The following ZNF793 variants were observed in gnomAD, a reference collection of about 807,000 sequenced individuals.
The protein encoded by ZNF793 is zinc finger protein 793.
In ZNF793, 5 loss-of-function variants were observed where a neutral mutation model predicts 12.4. The ratio of observed to expected loss-of-function variants is 0.40; its 90% CI spans 0.21 to 0.84. The LOEUF is 0.84. Among genes scored for constraint, ZNF793 ranks in the 40% least tolerant of loss-of-function variants. The pLI, the probability that ZNF793 is intolerant of heterozygous loss-of-function variation, is 0.35. For missense variants in ZNF793, 456 were observed against 495.0 expected, an observed-to-expected ratio of 0.92 and a Z score of 0.75; for synonymous variants, 162 against 172.4, an observed-to-expected ratio of 0.94 and a Z score of 0.47.
intron 2 of ZNF793, among the ~76,000 whole-genome samples, chr19:37,513,025 G>A (rs1044096226): frequency 1.3e-5 from 2 of 151,950 alleles, no homozygotes; most frequent in Non-Finnish European, 1.5e-5. Context: ...CATGATTAGA[G>A]TCATGTTGTA....
At chr19:37,521,502 C>A (rs2042376133) in intron 3 of ZNF793, among the ~76,000 whole-genome samples, 1 of 139,496 alleles carries the variant, frequency 7.2e-6, no homozygotes, top group Non-Finnish European at 1.5e-5. Context: ...ATGGCGCGAT[C>A]TCTGCTCACT....
chr19:37,514,667 T>TA (rs1339635726), intron 2 of ZNF793, among the ~76,000 whole-genome samples: 1 of 152,068 alleles, frequency 6.6e-6, no homozygotes, highest in Non-Finnish European at 1.5e-5. Context: ...CTTTTTTTTT[T>TA]ATATAAAGCC....
intron 3 of ZNF793, among the ~76,000 whole-genome samples, chr19:37,521,027 G>A (rs1445989253): frequency 6.6e-6 from 1 of 150,378 alleles, no homozygotes. Context: ...TCACTCTGTC[G>A]CCCAGGCTGG....
intron 2 of ZNF793, among the ~76,000 whole-genome samples, chr19:37,515,042 C>T (rs574399838): frequency 6.6e-6 from 1 of 152,370 alleles, no homozygotes; most frequent in South Asian, 2.1e-4. Context: ...AATGGCAGAA[C>T]TCTGCTTACC....
chr19:37,523,056 CTG>C (rs1040926323), intron 4 of ZNF793, among the ~76,000 whole-genome samples: 1 of 152,174 alleles, frequency 6.6e-6, no homozygotes, highest in Non-Finnish European at 1.5e-5. Context: ...GGGTCTTACT[CTG>C]TCACCTAGGC....
At chr19:37,534,330 A>G (rs1428895026) in intron 7 of ZNF793, 1 of 152,306 alleles carries the variant, frequency 6.6e-6, no homozygotes, top group African/African-American at 2.4e-5. Flanking sequence ...TCTCACAACC[A>G]GCCCTTTTGC....
intron 2 of ZNF793, among the ~76,000 whole-genome samples, chr19:37,511,611 C>T (rs985019131): frequency 1.3e-5 from 2 of 152,126 alleles, no homozygotes; most frequent in African/African-American, 4.8e-5. Flanking sequence ...GCAGAGGTTG[C>T]GGTGAGCTGA....
At chr19:37,511,147 C>CT (rs1166590283) in intron 2 of ZNF793, among the ~76,000 whole-genome samples, 2 of 152,122 alleles carry the variant, frequency 1.3e-5, no homozygotes, top group Non-Finnish European at 2.9e-5. Context: ...GGAAGGTGTC[C>CT]TTACTGGTCA....
At chr19:37,519,800 A>T (rs1254068811) in intron 2 of ZNF793, among the ~76,000 whole-genome samples, 1 of 152,240 alleles carries the variant, frequency 6.6e-6, no homozygotes, top group Non-Finnish European at 1.5e-5. Context: ...AGATAGACTA[A>T]GTAACTCATT....
At chr19:37,530,122 C>T (rs1185113188) in intron 5 of ZNF793, among the ~76,000 whole-genome samples, 1 of 152,104 alleles carries the variant, frequency 6.6e-6, no homozygotes, top group Non-Finnish European at 1.5e-5. Flanking sequence ...TTTAGATATG[C>T]ATACACATAA....
At chr19:37,511,084 A>T in intron 2 of ZNF793, among the ~76,000 whole-genome samples, 1 of 152,198 alleles carries the variant, frequency 6.6e-6, no homozygotes, top group East Asian at 1.9e-4. Flanking sequence ...TTTTTATATT[A>T]CAGAGTCCTG....
Position 37,537,801 on chromosome 19 carries a change from C to T in ZNF793, c.1143C>T (p.Asn381=), listed in dbSNP as rs374379549. The change falls in exon 8 of 8, where the codon AAC becomes AAT. Residue 381 remains asparagine, a synonymous_variant. Transcript: ENST00000627814. The part of the protein sequence containing the change: ...ECGKAFYQKP[N]LSRHQKIHAR... ...GGAAAGCTTTCTACCAGAAGCCAAA[C>T]CTCAGCAGACATCAGAAAATTCATG... is the stretch of plus-strand genomic sequence containing the variant. 117 of 1,613,730 alleles carry T rather than the reference C, an allele frequency of 7.3e-5. No individual in the cohort carries two copies. The highest frequency in any genetic ancestry group is 9.1e-5 in the Non-Finnish European group (107 of 1,179,832).
intron 4 of ZNF793, among the ~76,000 whole-genome samples, 199 bp downstream of exon 4, chr19:37,522,846 CA>C (rs1297301368): frequency 2.0e-5 from 3 of 152,050 alleles, no homozygotes; most frequent in African/African-American, 7.2e-5. Context: ...GTGATACTGC[CA>C]AGTTTTTCCA....
At chr19:37,525,657 G>A (rs979820613) in intron 5 of ZNF793, among the ~76,000 whole-genome samples, 4 of 151,236 alleles carry the variant, frequency 2.6e-5, no homozygotes, top group African/African-American at 9.7e-5. Context: ...TCCTGACCTC[G>A]TGATCCACCT....
At chr19:37,531,954 A>G (rs1056304567) in intron 5 of ZNF793, among the ~76,000 whole-genome samples, 3 of 152,174 alleles carry the variant, frequency 2.0e-5, no homozygotes, top group African/African-American at 7.2e-5. Flanking sequence ...AAGGCCTTCC[A>G]GATAGATAAT....
At chr19:37,533,788 G>C in intron 7 of ZNF793, 1 of 389,856 alleles carries the variant, frequency 2.6e-6, no homozygotes, top group Non-Finnish European at 4.5e-6. Context: ...CCCATAGACA[G>C]ATGACTGTGG....
At chr19:37,526,174 C>T (rs1199500009) in intron 5 of ZNF793, among the ~76,000 whole-genome samples, 1 of 152,082 alleles carries the variant, frequency 6.6e-6, no homozygotes, top group Non-Finnish European at 1.5e-5. Context: ...TTTTTTGAAA[C>T]AGGGTCTTAC....
chr19:37,541,295 A>G lies in ZNF793; in HGVS notation c.*3416A>G, dbSNP rs2042550407. ...AAAATTTTAAAGCAACAGAATTCTT[A>G]AAAGAAAATCAAAGGAGCCTATGTG... is the stretch of plus-strand genomic sequence containing the variant. On this transcript the variant is annotated 3_prime_UTR_variant, in exon 8 of 8. Transcript: ENST00000627814. 6.6e-6 allele frequency: 1 copy of G among 152,010 alleles called. No homozygotes were observed. The highest frequency in any genetic ancestry group is 6.6e-5 in the Admixed American group (1 of 15,258). 9.4% of individuals were successfully genotyped at this position (152,010 alleles called of 1,614,324 possible). A position where few individuals can be genotyped will look rare whatever the true frequency, so the allele number is the denominator to read the frequency against.
intron 5 of ZNF793, among the ~76,000 whole-genome samples, chr19:37,528,766 C>G (rs1410166054): frequency 6.6e-6 from 1 of 152,184 alleles, no homozygotes; most frequent in Non-Finnish European, 1.5e-5. Flanking sequence ...GTCAAGACTT[C>G]TTCTTTTCAG....
Sources: gnomAD v4.1 joint callset for allele counts (sites outside exome capture counted in the v4.1 genomes callset) on GRCh38, gnomAD v4.1.1 for gene constraint, MANE v1.5 for transcripts, NCBI Gene and HGNC (gene_info 2026-07-23, HGNC 2026-07-21) for gene names.